Variants in CNTNAP3 observed in about 807,000 individuals in gnomAD.
CNTNAP3 encodes the protein contactin-associated protein-like 3.
A neutral mutation model predicts 92.1 loss-of-function variants in CNTNAP3; 36 were observed. The observed-to-expected ratio is 0.39, with a 90% CI of 0.30 to 0.52. The LOEUF (loss-of-function observed/expected upper bound fraction) is 0.52, where lower values mean the gene tolerates loss of function less well. CNTNAP3 is among the 20% of genes least tolerant of loss of function. The pLI is 0.76. For missense variants in CNTNAP3, 534 were observed against 1,069.6 expected (o/e 0.50, Z 6.98); for synonymous variants, 232 against 422.3 (o/e 0.55, Z 5.53).
chr9:39,117,081 C>G (rs571017864), intron 14 of CNTNAP3, among the ~76,000 whole-genome samples: 2 of 152,032 alleles, frequency 1.3e-5, no homozygotes, highest in Admixed American at 1.3e-4. Flanking sequence ...CAACCTCTAC[C>G]TCCTGGGTTA....
intron 12 of CNTNAP3, among the ~76,000 whole-genome samples, chr9:39,137,100 G>C (rs1196642926): frequency 6.6e-6 from 1 of 151,280 alleles, no homozygotes; most frequent in Non-Finnish European, 1.5e-5. Flanking sequence ...TCTTCTCCTA[G>C]AATTCTCTTT....
intron 13 of CNTNAP3, among the ~76,000 whole-genome samples, chr9:39,128,838 A>T (rs950650910): frequency 6.6e-6 from 1 of 150,624 alleles, no homozygotes; most frequent in African/African-American, 2.5e-5. Context: ...AGTATGAAAC[A>T]ATCATATTTC....
intron 13 of CNTNAP3, among the ~76,000 whole-genome samples, chr9:39,130,928 C>T (rs1050516553): frequency 3.3e-5 from 5 of 151,948 alleles, no homozygotes; most frequent in African/African-American, 7.2e-5. Flanking sequence ...AACTGCTTAA[C>T]GGCTACTCGG....
chr9:39,150,314 G>GA (rs1032754206), intron 9 of CNTNAP3, among the ~76,000 whole-genome samples: 1 of 135,096 alleles, frequency 7.4e-6, no homozygotes, highest in African/African-American at 2.8e-5. Context: ...TAGTGTAAGT[G>GA]AAAAAAATTA....
chr9:39,256,510 G>A lies in CNTNAP3; in HGVS notation c.196+10386C>T, dbSNP rs1481378968. On this transcript the variant is annotated intron_variant, in intron 2 of 23. Transcript: ENST00000297668. ...TTTAAAAAAAAAAAAAAAAGAGGGC[G>A]GGGGCTGGGTATGGTGGCTCAGGCC... is the stretch of plus-strand genomic sequence containing the variant. Among the ~76,000 whole-genome samples the A allele has an allele frequency of 7.9e-4, 15 of 19,050 alleles. 6 individuals carry two copies. The highest frequency in any genetic ancestry group is 1.7e-3 in the African/African-American group (15 of 8,688). The allele number at this position is 19,050 out of a possible 152,430, so 12.5% of individuals were successfully genotyped here. A position where few individuals can be genotyped will look rare whatever the true frequency, so the allele number is the denominator to read the frequency against.
intron 9 of CNTNAP3, among the ~76,000 whole-genome samples, chr9:39,157,427 C>A (rs540730811): frequency 1.2e-5 from 1 of 83,694 alleles, no homozygotes; most frequent in Non-Finnish European, 2.6e-5. Flanking sequence ...ATAAGCTCTG[C>A]CTCCCAGGTT....
chr9:39,153,774 G>C (rs1821890920), intron 9 of CNTNAP3, among the ~76,000 whole-genome samples: 1 of 108,656 alleles, frequency 9.2e-6, no homozygotes, highest in Non-Finnish European at 1.9e-5. Flanking sequence ...GGCCAGGCTG[G>C]TCTTGAATTA....
At chr9:39,140,680 C>T in intron 11 of CNTNAP3, 42 bp from the exon 12 acceptor site, 5 of 1,550,956 alleles carry the variant, frequency 3.2e-6, no homozygotes, top group Non-Finnish European at 4.3e-6. Context: ...AAAAATATCT[C>T]CAGATGTTGA....
chr9:39,130,661 A>G (rs1190882557), intron 13 of CNTNAP3, among the ~76,000 whole-genome samples: 2 of 151,952 alleles, frequency 1.3e-5, no homozygotes, highest in Admixed American at 6.6e-5. Flanking sequence ...CCTGCCACCA[A>G]GCCTGGCTAC....
intron 18 of CNTNAP3, among the ~76,000 whole-genome samples, chr9:39,094,908 T>C (rs1364106254): frequency 2.0e-5 from 3 of 151,624 alleles, no homozygotes; most frequent in Non-Finnish European, 4.4e-5. Context: ...AAGAATTAGA[T>C]TGAATCTGCT....
At chr9:39,094,523 A>G (rs1291718142) in intron 18 of CNTNAP3, among the ~76,000 whole-genome samples, 1 of 151,376 alleles carries the variant, frequency 6.6e-6, no homozygotes, top group Non-Finnish European at 1.5e-5. Flanking sequence ...ATTCATTTTG[A>G]GTTAATTTTG....
In CNTNAP3 at chr9:39,072,776, G is replaced by A. The variant is rs1825656911; in HGVS notation, c.*1114C>T. The A allele has an allele frequency of 1.3e-5, 2 of 151,726 alleles. No homozygotes were observed. Among genetic ancestry groups the A allele is most frequent in the African/African-American group, 2.4e-5 (1 of 41,278 alleles). The allele number at this position is 151,726 out of a possible 1,614,324, so 9.4% of individuals were successfully genotyped here. ...AAAGGAATTAGTGATCTTCAGTTAA[G>A]CTATTTTTTTAATAAATTGAAAAGA... On this transcript the variant is annotated 3_prime_UTR_variant, in exon 24 of 24. Coordinates refer to ENST00000297668, the MANE Select transcript of CNTNAP3 (RefSeq NM_033655.5).
At chr9:39,142,002 G>A (rs1821588379) in intron 11 of CNTNAP3, among the ~76,000 whole-genome samples, 1 of 152,076 alleles carries the variant, frequency 6.6e-6, no homozygotes, top group South Asian at 2.1e-4. Flanking sequence ...GTCTCACAGT[G>A]AATGACTGTG....
chr9:39,077,063 T>G lies in CNTNAP3; in HGVS notation c.3745+1322A>C, dbSNP rs1370468111. Among the ~76,000 whole-genome samples, 4 of 152,290 alleles carry G rather than the reference T, an allele frequency of 2.6e-5. No individual in the cohort carries two copies. In the South Asian group the frequency reaches 6.2e-4, roughly 24 times the overall value. On this transcript the variant is annotated intron_variant, in intron 23 of 23. Coordinates refer to ENST00000297668, the MANE Select transcript of CNTNAP3 (RefSeq NM_033655.5). The stretch of plus-strand genomic sequence containing the variant: ...TTATATTTTAGAAAAAAAGTTTTCA[T>G]TGCCAAAACATATTTTTAAGCTATG...
intron 13 of CNTNAP3, among the ~76,000 whole-genome samples, chr9:39,131,005 T>C (rs1821280189): frequency 6.6e-6 from 1 of 152,144 alleles, no homozygotes; most frequent in South Asian, 2.1e-4. Flanking sequence ...TTTTAAATTA[T>C]CTTTTCAAAA....
intron 17 of CNTNAP3, among the ~76,000 whole-genome samples, 156 bp downstream of exon 17, chr9:39,102,341 A>G (rs894293436): frequency 6.6e-6 from 1 of 152,312 alleles, no homozygotes; most frequent in Non-Finnish European, 1.5e-5. Flanking sequence ...AGAAGCACAC[A>G]GCAAGCTCCT....
In CNTNAP3 at chr9:39,099,904, C is replaced by T. The variant is rs774723660; in HGVS notation, c.2995+7G>A. Reference sequence around the variant, plus strand: ...TTCCCTATAACCTGCTCCTTGGTCACACTTACCATTGGAGCAGAACGGCCC... The same window carrying T: ...TTCCCTATAACCTGCTCCTTGGTCATACTTACCATTGGAGCAGAACGGCCC... On this transcript the variant is annotated splice_region_variant and intron_variant, in intron 18 of 23. Transcript: ENST00000297668. The T allele has an allele frequency of 1.2e-6, 2 of 1,610,744 alleles. No homozygotes were observed. The highest frequency in any genetic ancestry group is 1.1e-5 in the South Asian group (1 of 90,762).
chr9:39,125,129 C>A (rs1821125932), intron 13 of CNTNAP3, among the ~76,000 whole-genome samples: 1 of 151,942 alleles, frequency 6.6e-6, no homozygotes, highest in African/African-American at 2.4e-5. Context: ...CAATGACAGA[C>A]TGGATTAAGA....
intron 13 of CNTNAP3, among the ~76,000 whole-genome samples, chr9:39,119,814 C>T (rs907951430): frequency 3.3e-5 from 5 of 152,104 alleles, no homozygotes; most frequent in Admixed American, 3.3e-4. Flanking sequence ...CTGGAAGATA[C>T]AATAACATAA....
Sources: allele counts gnomAD v4.1 joint callset (sites outside exome capture counted in the v4.1 genomes callset), GRCh38; gene constraint gnomAD v4.1.1; transcripts MANE v1.5; gene names NCBI Gene and HGNC (gene_info 2026-07-23, HGNC 2026-07-21).